KHDRBS2: variants seen among roughly 807,000 people sequenced by gnomAD.
The protein encoded by KHDRBS2 is KH RNA binding domain containing, signal transduction associated 2.
Under a neutral mutation model 44.3 loss-of-function variants are expected in KHDRBS2, and 26 were observed. The ratio of observed to expected loss-of-function variants is 0.59; its 90% confidence interval spans 0.43 to 0.81. The LOEUF (loss-of-function observed/expected upper bound fraction) is 0.81. KHDRBS2 is among the 40% of genes least tolerant of loss of function. The pLI, the probability that KHDRBS2 is intolerant of heterozygous loss-of-function variation, is 0.00. For missense variants in KHDRBS2, 476 were observed against 433.1 expected, an observed-to-expected ratio of 1.10 and a Z score of -0.88; for synonymous variants, 194 against 151.1, an observed-to-expected ratio of 1.28 and a Z score of -2.08.
intron 4 of KHDRBS2, among the ~76,000 whole-genome samples, chr6:61,960,422 G>A (rs1291628222): frequency 6.6e-6 from 1 of 152,028 alleles, no homozygotes; most frequent in African/African-American, 2.4e-5. Flanking sequence ...GGAAAAAATT[G>A]CATCTAATTG....
chr6:61,786,742 T>C (rs1783879609), intron 6 of KHDRBS2, among the ~76,000 whole-genome samples: 1 of 151,882 alleles, frequency 6.6e-6, no homozygotes, highest in Non-Finnish European at 1.5e-5. Flanking sequence ...TCGTGGTAAG[T>C]AAACTTTTTA....
At position 61,740,103 on chromosome 6, in the gene KHDRBS2, A is replaced by G. The variant is rs980592504; in HGVS notation, c.811-7339T>C. Among the ~76,000 whole-genome samples the G allele has an allele frequency of 2.0e-5, 3 of 151,940 alleles. No homozygotes were observed. In the South Asian group the frequency reaches 6.2e-4, roughly 31 times the overall value. Reference sequence around the variant, plus strand: ...AAAGAAAGCACTCCAAGAGTATGTAACAGGTGCTATGGAAGCACACTGGAG... The same window carrying G: ...AAAGAAAGCACTCCAAGAGTATGTAGCAGGTGCTATGGAAGCACACTGGAG... On this transcript the variant is annotated intron_variant, in intron 6 of 8. Coordinates refer to ENST00000281156, the MANE Select transcript of KHDRBS2 (RefSeq NM_152688.4).
At chr6:62,075,711 C>T (rs1796196876) in intron 2 of KHDRBS2, among the ~76,000 whole-genome samples, 1 of 151,844 alleles carries the variant, frequency 6.6e-6, no homozygotes, top group Non-Finnish European at 1.5e-5. Context: ...TCATCCCAGG[C>T]TTTATGCCAT....
At chr6:62,071,418 G>A (rs1230460972) in intron 2 of KHDRBS2, among the ~76,000 whole-genome samples, 7 of 152,134 alleles carry the variant, frequency 4.6e-5, no homozygotes, top group Non-Finnish European at 8.8e-5. Context: ...CCTTGCCCAT[G>A]CCTATGTCCT....
chr6:62,085,898 G>A (rs1798290395), intron 2 of KHDRBS2, among the ~76,000 whole-genome samples: 1 of 152,100 alleles, frequency 6.6e-6, no homozygotes, highest in African/African-American at 2.4e-5. Context: ...GGGAAAAAGA[G>A]TATCTGACAA....
chr6:61,554,143 C>T, the KHDRBS2 span, among the ~76,000 whole-genome samples: 1 of 152,118 alleles, frequency 6.6e-6, no homozygotes, highest in African/African-American at 2.4e-5. Flanking sequence ...TAAATCTCTT[C>T]ATAGGTCACT....
chr6:62,103,499 G>A (rs529669213), intron 2 of KHDRBS2, among the ~76,000 whole-genome samples: 2 of 152,298 alleles, frequency 1.3e-5, no homozygotes, highest in African/African-American at 4.8e-5. Flanking sequence ...AGAGGACAGG[G>A]AATGGCAACA....
chr6:62,126,177 G>T (rs79682149), intron 2 of KHDRBS2, among the ~76,000 whole-genome samples: 12,451 of 152,216 alleles, frequency 0.082, 541 homozygotes, highest in African/African-American at 0.11. Context: ...GAGGCCGTGG[G>T]CCTTGAGTGA....
At chr6:62,163,093 T>C (rs1230439493) in intron 2 of KHDRBS2, among the ~76,000 whole-genome samples, 1 of 152,002 alleles carries the variant, frequency 6.6e-6, no homozygotes, top group Non-Finnish European at 1.5e-5. Context: ...AAGAGCACCA[T>C]AGATAATCCC....
chr6:61,916,492 A>G (rs1208459897), intron 4 of KHDRBS2, among the ~76,000 whole-genome samples: 2 of 151,986 alleles, frequency 1.3e-5, no homozygotes, highest in Non-Finnish European at 2.9e-5. Flanking sequence ...GAACTTTTAT[A>G]TTTATCATTG....
chr6:62,221,073 T>C (rs1428202052), intron 1 of KHDRBS2, among the ~76,000 whole-genome samples: 1 of 151,510 alleles, frequency 6.6e-6, no homozygotes, highest in Non-Finnish European at 1.5e-5. Flanking sequence ...ACGTGTCCAC[T>C]GACACATAAA....
At chr6:62,161,015 C>G (rs76371921) in intron 2 of KHDRBS2, among the ~76,000 whole-genome samples, 2 of 152,054 alleles carry the variant, frequency 1.3e-5, no homozygotes, top group African/African-American at 4.8e-5. Flanking sequence ...TACCATTCTA[C>G]GTTCTGTCTT....
At chr6:61,876,013 AT>A (rs1226260035) in intron 6 of KHDRBS2, among the ~76,000 whole-genome samples, 1 of 152,066 alleles carries the variant, frequency 6.6e-6, no homozygotes, top group Non-Finnish European at 1.5e-5. Context: ...AGAAAAAGAC[AT>A]TATTTATTTA....
At chr6:61,942,286 A>G (rs1465025292) in intron 4 of KHDRBS2, among the ~76,000 whole-genome samples, 1 of 152,196 alleles carries the variant, frequency 6.6e-6, no homozygotes, top group African/African-American at 2.4e-5. Context: ...GATTCTAGAT[A>G]TGCTCAATTA....
chr6:62,098,703 G>T (rs907365217), intron 2 of KHDRBS2, among the ~76,000 whole-genome samples: 1 of 152,098 alleles, frequency 6.6e-6, no homozygotes, highest in African/African-American at 2.4e-5. Context: ...TTGAGAAGTT[G>T]TCTGTTACAA....
intron 1 of KHDRBS2, among the ~76,000 whole-genome samples, chr6:62,183,590 T>G (rs1304088229): frequency 6.6e-6 from 1 of 151,698 alleles, no homozygotes; most frequent in East Asian, 1.9e-4. Context: ...ATGGAAATTT[T>G]CAGAATCCAG....
the KHDRBS2 span, among the ~76,000 whole-genome samples, chr6:61,595,457 C>T: frequency 2.0e-4 from 31 of 152,018 alleles, no homozygotes; most frequent in Non-Finnish European, 2.4e-4. Flanking sequence ...TTTTTTTCTT[C>T]GCTGAGAAAC....
At chr6:62,029,252 A>C (rs2127290185) in intron 3 of KHDRBS2, among the ~76,000 whole-genome samples, 1 of 152,076 alleles carries the variant, frequency 6.6e-6, no homozygotes, top group Admixed American at 6.6e-5. Context: ...AGAAAACATT[A>C]GGAATACAGT....
intron 6 of KHDRBS2, among the ~76,000 whole-genome samples, chr6:61,807,507 T>A (rs1217847275): frequency 6.6e-6 from 1 of 152,060 alleles, no homozygotes. Flanking sequence ...AATGAGATCA[T>A]GTCCTTTGCG....
Sources: allele counts gnomAD v4.1 joint callset (sites outside exome capture counted in the v4.1 genomes callset), GRCh38; gene constraint gnomAD v4.1.1; transcripts MANE v1.5; gene names NCBI Gene and HGNC (gene_info 2026-07-23, HGNC 2026-07-21).